Variants in SOX5 observed in about 807,000 individuals in gnomAD.
SOX5 encodes the protein SRY-box transcription factor 5, also known as transcription factor SOX-5.
Under a neutral mutation model 92.0 loss-of-function variants are expected in SOX5, and 9 were observed. The observed-to-expected ratio is 0.10, with a 90% CI of 0.06 to 0.17. SOX5 has a LOEUF of 0.17. SOX5 is among the 10% of genes least tolerant of loss of function. The pLI is 1.00. For synonymous variants in SOX5, 344 were observed against 336.3 expected (o/e 1.02, Z -0.25); for missense variants, 642 against 944.5 (o/e 0.68, Z 4.20).
At chr12:23,574,266 T>C (rs531223115) in intron 10 of SOX5, among the ~76,000 whole-genome samples, 360 of 152,264 alleles carry the variant, frequency 2.4e-3, no homozygotes, top group Non-Finnish European at 4.2e-3. Flanking sequence ...AATTTCCATA[T>C]CTAAAATTCT....
At chr12:23,960,149 C>T (rs533450577) in intron 4 of SOX5, among the ~76,000 whole-genome samples, 35 of 152,216 alleles carry the variant, frequency 2.3e-4, no homozygotes, top group Non-Finnish European at 3.1e-4. Context: ...CGGACCCCAG[C>T]CATGTCCAAT....
chr12:24,252,109 G>T (rs937426983), intron 3 of SOX5, among the ~76,000 whole-genome samples: 5 of 152,154 alleles, frequency 3.3e-5, no homozygotes, highest in African/African-American at 1.2e-4. Context: ...GGTGGGAAAA[G>T]AAAGACATCT....
intron 1 of SOX5, among the ~76,000 whole-genome samples, chr12:24,370,652 C>A (rs906375002): frequency 6.6e-6 from 1 of 151,738 alleles, no homozygotes; most frequent in Admixed American, 6.6e-5. Flanking sequence ...ATTAGCCAGG[C>A]GTGGGGGCAC....
At chr12:23,797,711 G>A (rs1362660557) in intron 3 of SOX5, among the ~76,000 whole-genome samples, 1 of 151,958 alleles carries the variant, frequency 6.6e-6, no homozygotes, top group Admixed American at 6.6e-5. Flanking sequence ...TTTATGCTGG[G>A]CTGTAAAGAC....
chr12:24,538,033 A>G (rs534096921), intron 1 of SOX5, among the ~76,000 whole-genome samples: 31 of 152,254 alleles, frequency 2.0e-4, no homozygotes, highest in Non-Finnish European at 4.3e-4. Flanking sequence ...CTACTATCCT[A>G]CCATCCTCCG....
chr12:23,852,481 A>T (rs2096643857), intron 2 of SOX5, among the ~76,000 whole-genome samples: 1 of 152,172 alleles, frequency 6.6e-6, no homozygotes, highest in African/African-American at 2.4e-5. Flanking sequence ...GAACTCTTTA[A>T]TGTTTTTTTC....
intron 2 of SOX5, among the ~76,000 whole-genome samples, chr12:24,343,800 A>C (rs970844376): frequency 1.3e-5 from 2 of 152,210 alleles, no homozygotes; most frequent in Non-Finnish European, 2.9e-5. Context: ...GGACCAAGGC[A>C]GAAGTAGGAA....
At position 24,238,596 on chromosome 12, in the gene SOX5, A is replaced by G. The variant is rs553018403; in HGVS notation, c.-76-25179T>C. ...GGTCTTAAACTCCTGAGCTCAAGTC[A>G]TCAGTCTTCCTCAGCTTCCCAAAGT... On this transcript the variant is annotated intron_variant, in intron 3 of 4. Transcript: ENST00000446891. Among the ~76,000 whole-genome samples the G allele has an allele frequency of 2.7e-3, 411 of 152,272 alleles. 3 individuals carry two copies. Among genetic ancestry groups the G allele is most frequent in the African/African-American group, 9.1e-3 (380 of 41,566 alleles).
At chr12:24,357,732 A>T (rs1173415671) in intron 2 of SOX5, among the ~76,000 whole-genome samples, 1 of 151,514 alleles carries the variant, frequency 6.6e-6, no homozygotes, top group African/African-American at 2.4e-5. Flanking sequence ...AATCCCAGCT[A>T]CTCTGGAGGG....
chr12:23,726,138 AG>A (rs2093109872), intron 6 of SOX5, among the ~76,000 whole-genome samples: 2 of 20,268 alleles, frequency 9.9e-5, no homozygotes, highest in African/African-American at 2.9e-4. Flanking sequence ...AGAGAGAGAG[AG>A]AGAGAGAGAG....
chr12:24,058,745 A>C (rs1160048006), intron 4 of SOX5, among the ~76,000 whole-genome samples: 3 of 152,196 alleles, frequency 2.0e-5, no homozygotes, highest in Non-Finnish European at 4.4e-5. Flanking sequence ...TAAAAAGAGT[A>C]AATGATCCTG....
intron 4 of SOX5, among the ~76,000 whole-genome samples, chr12:24,138,143 C>A (rs546160032): frequency 1.2e-3 from 177 of 152,296 alleles, no homozygotes; most frequent in African/African-American, 4.1e-3. Flanking sequence ...AAACTTTTAG[C>A]CAAAATTTGC....
intron 1 of SOX5, among the ~76,000 whole-genome samples, chr12:23,906,110 A>G (rs1313913765): frequency 2.0e-5 from 3 of 152,204 alleles, no homozygotes; most frequent in African/African-American, 7.2e-5. Context: ...AAACAACACA[A>G]GTCCAATAGG....
intron 2 of SOX5, among the ~76,000 whole-genome samples, chr12:23,889,121 T>G (rs1312283096): frequency 1.3e-5 from 2 of 152,184 alleles, no homozygotes; most frequent in Admixed American, 6.5e-5. Context: ...GTAATTACAC[T>G]TTTGTTCAGA....
chr12:23,832,432 G>A (rs915965771), intron 3 of SOX5, among the ~76,000 whole-genome samples: 5 of 151,628 alleles, frequency 3.3e-5, no homozygotes, highest in East Asian at 3.9e-4. Context: ...CCGGTGTTTC[G>A]GTATATAAAA....
chr12:23,960,534 T>TATATATATAC (rs1569275346), intron 4 of SOX5, among the ~76,000 whole-genome samples: 3 of 144,560 alleles, frequency 2.1e-5, no homozygotes, highest in African/African-American at 7.8e-5. Context: ...TATATACATA[T>TATATATATAC]ATATATATAT....
intron 1 of SOX5, among the ~76,000 whole-genome samples, chr12:24,392,359 A>T (rs1959079242): frequency 1.3e-5 from 2 of 152,142 alleles, no homozygotes; most frequent in Non-Finnish European, 2.9e-5. Flanking sequence ...AAGTGATCTT[A>T]CTATGCCTTC....
chr12:24,026,791 G>A (rs558485349), intron 4 of SOX5, among the ~76,000 whole-genome samples: 6 of 152,134 alleles, frequency 3.9e-5, no homozygotes, highest in Non-Finnish European at 7.4e-5. Context: ...AGGGAATTGT[G>A]CACTGCCATC....
At chr12:24,366,728 T>C (rs1956213992) in intron 2 of SOX5, among the ~76,000 whole-genome samples, 1 of 152,128 alleles carries the variant, frequency 6.6e-6, no homozygotes, top group Non-Finnish European at 1.5e-5. Flanking sequence ...AATTCCCCCC[T>C]GTACTCTGTA....
Sources: gnomAD v4.1 joint callset for allele counts (sites outside exome capture counted in the v4.1 genomes callset) on GRCh38, gnomAD v4.1.1 for gene constraint, MANE v1.5 for transcripts, NCBI Gene and HGNC (gene_info 2026-07-23, HGNC 2026-07-21) for gene names.